Variants in CTNNA3 observed in about 807,000 individuals in gnomAD.
CTNNA3 encodes catenin alpha 3, also known as catenin alpha-3.
Under a neutral mutation model 95.7 loss-of-function variants are expected in CTNNA3, and 76 were observed. The observed-to-expected ratio is 0.79, with a 90% CI of 0.66 to 0.96. The LOEUF is 0.96. CTNNA3 is among the 40% of genes least tolerant of loss of function. CTNNA3 has a pLI of 0.00. For synonymous variants in CTNNA3, 431 were observed against 374.4 expected (o/e 1.15, Z -1.74); for missense variants, 1,191 against 1,089.8 (o/e 1.09, Z -1.31).
chr10:67,522,094 T>G, intron 4 of CTNNA3, 133 bp from the exon 5 acceptor site: 1 of 819,076 alleles, frequency 1.2e-6, no homozygotes, highest in Non-Finnish European at 1.9e-6. Context: ...AAATGCTAGC[T>G]AATTATCTTT....
At chr10:67,112,829 T>C (rs1858979071) in intron 7 of CTNNA3, among the ~76,000 whole-genome samples, 1 of 152,100 alleles carries the variant, frequency 6.6e-6, no homozygotes, top group Middle Eastern at 3.2e-3. Context: ...CTACATTTAA[T>C]CAAAACTCTT....
chr10:67,106,157 C>T (rs891688840), intron 7 of CTNNA3, among the ~76,000 whole-genome samples: 2 of 152,124 alleles, frequency 1.3e-5, no homozygotes, highest in African/African-American at 4.8e-5. Context: ...AATGTGTGAA[C>T]TTGACATGAC....
chr10:66,561,955 G>C, intron 10 of CTNNA3, among the ~76,000 whole-genome samples: 1 of 152,046 alleles, frequency 6.6e-6, no homozygotes, highest in East Asian at 1.9e-4. Context: ...TCAAAGATAA[G>C]GGATCGAGTA....
chr10:67,341,218 G>C (rs1364603960), intron 5 of CTNNA3, among the ~76,000 whole-genome samples: 2 of 152,058 alleles, frequency 1.3e-5, no homozygotes, highest in Admixed American at 6.6e-5. Flanking sequence ...AGTTATTTCA[G>C]AATGTATAAT....
Position 66,661,558 on chromosome 10 carries a change from C to T in CTNNA3, c.1282-39774G>A, listed in dbSNP as rs116231869. Among the ~76,000 whole-genome samples the T allele has an allele frequency of 1.0e-2, 1,517 of 152,186 alleles. 28 individuals carry two copies. The highest frequency in any genetic ancestry group is 0.034 in the African/African-American group (1,414 of 41,518). ...ATTAGTTAAAAATAATTTCATAAGG[C>T]AGAAGAAGTAAGTCTTGAGGTATAA... is the stretch of plus-strand genomic sequence containing the variant. On this transcript the variant is annotated intron_variant, in intron 9 of 17. Transcript: ENST00000433211.
At chr10:66,406,137 T>A (rs976815343) in intron 11 of CTNNA3, among the ~76,000 whole-genome samples, 1 of 152,194 alleles carries the variant, frequency 6.6e-6, no homozygotes, top group Non-Finnish European at 1.5e-5. Context: ...ATCTGAGAAC[T>A]AATGAAAATA....
At chr10:67,589,246 T>C (rs1329888455) in intron 3 of CTNNA3, among the ~76,000 whole-genome samples, 1 of 152,192 alleles carries the variant, frequency 6.6e-6, no homozygotes, top group African/African-American at 2.4e-5. Flanking sequence ...CCTTTGTTCA[T>C]ACCATTACAG....
chr10:66,329,143 G>A (rs1459033849), intron 12 of CTNNA3, among the ~76,000 whole-genome samples: 2 of 151,118 alleles, frequency 1.3e-5, no homozygotes, highest in Non-Finnish European at 3.0e-5. Flanking sequence ...TAGAGATGGG[G>A]TTTCACCATA....
At chr10:66,767,931 G>T (rs995618376) in intron 8 of CTNNA3, among the ~76,000 whole-genome samples, 1 of 152,202 alleles carries the variant, frequency 6.6e-6, no homozygotes, top group Non-Finnish European at 1.5e-5. Flanking sequence ...CAAATTACTA[G>T]TGGCAACTAA....
rs997079277 is a variant in CTNNA3, at chr10:66,689,089, C to T, written c.1282-67305G>A. ...AATCTCCTGTGTGTGTATGTGTGCA[C>T]GTGTGTGTATCCATGAATCAATGAA... On this transcript the variant is annotated intron_variant, in intron 9 of 17. Coordinates refer to ENST00000433211, the MANE Select transcript of CTNNA3 (RefSeq NM_013266.4). 5.5e-5 allele frequency among the ~76,000 whole-genome samples: 7 copies of T among 128,416 alleles called. No homozygotes were observed. In the East Asian group the frequency reaches 6.8e-4, roughly 13 times the overall value. The allele number at this position is 128,416 out of a possible 152,430, so 84.2% of individuals were successfully genotyped here.
rs374794543 is a variant in CTNNA3, at chr10:67,592,636, C to T, written c.292+14221G>A. Among the ~76,000 whole-genome samples the T allele has an allele frequency of 3.8e-4, 58 of 152,080 alleles. No individual in the cohort carries two copies. The South Asian group carries it at 0.012, about 32-fold the overall frequency. Reference sequence around the variant, plus strand: ...GCAAAAGAATAACCTCTCCAACTTGCTTTAAAAAAGAAAAAAAGAACTGAT... The same window carrying T: ...GCAAAAGAATAACCTCTCCAACTTGTTTTAAAAAAGAAAAAAAGAACTGAT... On this transcript the variant is annotated intron_variant, in intron 3 of 17. Coordinates refer to ENST00000433211, the MANE Select transcript of CTNNA3 (RefSeq NM_013266.4).
chr10:66,944,021 G>C (rs1019935667), intron 7 of CTNNA3, among the ~76,000 whole-genome samples: 1 of 152,094 alleles, frequency 6.6e-6, no homozygotes, highest in Non-Finnish European at 1.5e-5. Flanking sequence ...TAAAAGTTGA[G>C]GTGACTGTGG....
intron 13 of CTNNA3, among the ~76,000 whole-genome samples, chr10:66,209,286 A>C (rs1564767774): frequency 6.6e-6 from 1 of 152,178 alleles, no homozygotes; most frequent in East Asian, 1.9e-4. Context: ...CAAAATTCTT[A>C]ATCTCTTGAA....
intron 5 of CTNNA3, among the ~76,000 whole-genome samples, chr10:67,335,200 T>C (rs575600109): frequency 6.6e-6 from 1 of 152,254 alleles, no homozygotes; most frequent in East Asian, 1.9e-4. Flanking sequence ...TTATTGTATC[T>C]ACAATGTCCA....
intron 9 of CTNNA3, among the ~76,000 whole-genome samples, chr10:66,636,027 T>C (rs1845322893): frequency 1.0e-5 from 1 of 99,662 alleles, no homozygotes; most frequent in African/African-American, 4.2e-5. Context: ...TGTGTGTGTG[T>C]GTGTGTGTGG....
At chr10:66,716,055 A>C (rs1848439014) in intron 9 of CTNNA3, among the ~76,000 whole-genome samples, 1 of 152,120 alleles carries the variant, frequency 6.6e-6, no homozygotes, top group Non-Finnish European at 1.5e-5. Flanking sequence ...TGTCTCATTT[A>C]ACATTGAGCA....
intron 11 of CTNNA3, among the ~76,000 whole-genome samples, chr10:66,391,313 C>G (rs571032778): frequency 1.3e-4 from 19 of 151,926 alleles, no homozygotes; most frequent in Non-Finnish European, 2.6e-4. Context: ...AACACACACA[C>G]ACGAAAAAAA....
intron 7 of CTNNA3, among the ~76,000 whole-genome samples, chr10:67,128,074 A>G (rs1209573949): frequency 6.6e-6 from 1 of 152,008 alleles, no homozygotes; most frequent in Non-Finnish European, 1.5e-5. Context: ...CCTCTTCATC[A>G]TCTCCTATAT....
At chr10:67,028,143 C>A (rs1853504355) in intron 7 of CTNNA3, among the ~76,000 whole-genome samples, 1 of 152,170 alleles carries the variant, frequency 6.6e-6, no homozygotes, top group East Asian at 1.9e-4. Context: ...GTATGCTGCA[C>A]TGCATTGGAC....
Sources: gnomAD v4.1 joint callset for allele counts (sites outside exome capture counted in the v4.1 genomes callset) on GRCh38, gnomAD v4.1.1 for gene constraint, MANE v1.5 for transcripts, NCBI Gene and HGNC (gene_info 2026-07-23, HGNC 2026-07-21) for gene names.